XIRP2: variants seen among roughly 807,000 people sequenced by gnomAD.
XIRP2 encodes xin actin binding repeat containing 2.
A neutral mutation model predicts 277.0 loss-of-function variants in XIRP2; 236 were observed. That is an observed-to-expected ratio of 0.85 (90% CI 0.77 to 0.95). XIRP2 has a LOEUF of 0.95. XIRP2 is among the 40% of genes least tolerant of loss of function. The pLI is 0.00. For missense variants in XIRP2, 4,640 were observed against 4,157.5 expected (o/e 1.12, Z -3.19); for synonymous variants, 1,490 against 1,416.5 (o/e 1.05, Z -1.17).
intron 5 of XIRP2, among the ~76,000 whole-genome samples, chr2:167,235,525 T>C (rs754824741): frequency 2.6e-5 from 4 of 151,946 alleles, no homozygotes; most frequent in African/African-American, 4.8e-5. Flanking sequence ...AAGCTAATCA[T>C]TGGGATTTGA....
At chr2:166,924,525 ATATT>A (rs1169862043) in intron 2 of XIRP2, among the ~76,000 whole-genome samples, 3 of 151,762 alleles carry the variant, frequency 2.0e-5, no homozygotes, top group African/African-American at 7.3e-5. Context: ...AAATATATGT[ATATT>A]TATTCTTTTT....
At chr2:167,099,329 C>G (rs1267097974) in intron 2 of XIRP2, among the ~76,000 whole-genome samples, 1 of 152,112 alleles carries the variant, frequency 6.6e-6, no homozygotes, top group African/African-American at 2.4e-5. Flanking sequence ...CCTACTCAAG[C>G]CTCAATAATG....
At chr2:167,257,046 C>T (rs1349792408) in intron 10 of XIRP2, among the ~76,000 whole-genome samples, 4 of 151,904 alleles carry the variant, frequency 2.6e-5, no homozygotes, top group African/African-American at 9.7e-5. Context: ...CAAATCTCCT[C>T]AAAGTTTCAG....
At chr2:167,040,512 G>A (rs999506482) in intron 2 of XIRP2, among the ~76,000 whole-genome samples, 11 of 152,290 alleles carry the variant, frequency 7.2e-5, no homozygotes, top group African/African-American at 2.6e-4. Context: ...GAGCTGGCAG[G>A]AAAAACTGCC....
intron 2 of XIRP2, among the ~76,000 whole-genome samples, chr2:167,034,261 G>T (rs1688447328): frequency 6.6e-6 from 1 of 151,964 alleles, no homozygotes; most frequent in African/African-American, 2.4e-5. Context: ...TTTGCAAGCT[G>T]CATGGTAACA....
chr2:167,201,583 C>G (rs1189929592), intron 3 of XIRP2, among the ~76,000 whole-genome samples: 3 of 152,156 alleles, frequency 2.0e-5, no homozygotes, highest in African/African-American at 7.2e-5. Flanking sequence ...TCCCTAACCC[C>G]TTCTTAAGTT....
chr2:166,890,785 T>C (rs982701709), intron 1 of XIRP2, among the ~76,000 whole-genome samples: 1 of 152,208 alleles, frequency 6.6e-6, no homozygotes. Flanking sequence ...ATTTCTTCTT[T>C]TGTTAAATAC....
chr2:166,951,195 A>G (rs1686022294), intron 2 of XIRP2, among the ~76,000 whole-genome samples: 1 of 152,072 alleles, frequency 6.6e-6, no homozygotes, highest in African/African-American at 2.4e-5. Context: ...AAGCTTGTAT[A>G]TACGTTAGGC....
At chr2:167,084,114 C>G (rs532697594) in intron 2 of XIRP2, among the ~76,000 whole-genome samples, 1 of 152,230 alleles carries the variant, frequency 6.6e-6, no homozygotes, top group African/African-American at 2.4e-5. Flanking sequence ...AAATACATCC[C>G]ATCAATACCT....
Position 167,245,892 on chromosome 2 carries a change from T to C in XIRP2, c.4500T>C (p.Asp1500=), listed in dbSNP as rs1695242607. The part of the protein sequence containing the change: ...AVWLFENRTF[D]SIMEAHKGIT... Reference sequence around the variant, plus strand: ...GGCTTTTTGAAAATCGAACTTTCGATTCTATTATGGAAGCACATAAAGGTA... The same window carrying C: ...GGCTTTTTGAAAATCGAACTTTCGACTCTATTATGGAAGCACATAAAGGTA... Residue 1500 remains aspartate (D), a synonymous_variant, in exon 9 of 11, where the codon GAT becomes GAC. Transcript: ENST00000409195. 4 of 1,613,596 alleles carry C rather than the reference T, an allele frequency of 2.5e-6. No homozygotes were observed. In the African/African-American group the frequency reaches 5.3e-5, roughly 22 times the overall value.
chr2:166,976,518 C>T (rs1349143959), intron 2 of XIRP2, among the ~76,000 whole-genome samples: 3 of 152,116 alleles, frequency 2.0e-5, no homozygotes, highest in Non-Finnish European at 4.4e-5. Context: ...CAAAATGCAA[C>T]TTCAAATTAT....
chr2:166,914,427 G>A (rs1291029252), intron 2 of XIRP2, among the ~76,000 whole-genome samples: 1 of 152,042 alleles, frequency 6.6e-6, no homozygotes, highest in Non-Finnish European at 1.5e-5. Flanking sequence ...TGCAAGCTCT[G>A]CCTCCCAGGT....
intron 7 of XIRP2, 125 bp from the exon 8 acceptor site, chr2:167,241,652 T>C: frequency 9.0e-7 from 1 of 1,111,974 alleles, no homozygotes; most frequent in Non-Finnish European, 1.2e-6. Flanking sequence ...TCAAGTAATC[T>C]TCGCACCTCA....
intron 2 of XIRP2, among the ~76,000 whole-genome samples, chr2:167,057,932 A>G (rs990191700): frequency 2.0e-5 from 3 of 152,098 alleles, no homozygotes; most frequent in Non-Finnish European, 1.5e-5. Context: ...CAGAAGAGAC[A>G]AAAAGAAAAA....
At chr2:167,003,432 T>C (rs920248749) in intron 2 of XIRP2, among the ~76,000 whole-genome samples, 3 of 151,876 alleles carry the variant, frequency 2.0e-5, no homozygotes, top group African/African-American at 7.2e-5. Context: ...GAAGAGAAGA[T>C]ATTTGAGCTG....
At chr2:166,921,898 C>G (rs534715383) in intron 2 of XIRP2, among the ~76,000 whole-genome samples, 1 of 152,162 alleles carries the variant, frequency 6.6e-6, no homozygotes, top group Admixed American at 6.6e-5. Flanking sequence ...GGTGAGTGAT[C>G]TTTTCAGAGG....
At chr2:167,210,171 T>TTGCATA (rs778918591) in intron 3 of XIRP2, among the ~76,000 whole-genome samples, 16 of 152,328 alleles carry the variant, frequency 1.1e-4, no homozygotes, top group Non-Finnish European at 2.1e-4. Context: ...TTCACAATAT[T>TTGCATA]TGCATATTTT....
chr2:167,101,473 C>A (rs1301479664), intron 2 of XIRP2, among the ~76,000 whole-genome samples: 1 of 152,160 alleles, frequency 6.6e-6, no homozygotes, highest in Non-Finnish European at 1.5e-5. Flanking sequence ...TCACCCACTT[C>A]CCACCATTTC....
At chr2:166,970,719 G>C (rs189778840) in intron 2 of XIRP2, among the ~76,000 whole-genome samples, 135 of 151,940 alleles carry the variant, frequency 8.9e-4, no homozygotes, top group South Asian at 8.1e-3. Flanking sequence ...GCCTAGGGAA[G>C]ATTTCAGTTC....
Sources: gnomAD v4.1 joint callset for allele counts (sites outside exome capture counted in the v4.1 genomes callset) on GRCh38, gnomAD v4.1.1 for gene constraint, MANE v1.5 for transcripts, NCBI Gene and HGNC (gene_info 2026-07-23, HGNC 2026-07-21) for gene names.